EXOC4: variants seen among roughly 807,000 people sequenced by gnomAD.
EXOC4 encodes SEC8-like 1.
Under a neutral mutation model 107.2 loss-of-function variants are expected in EXOC4, and 71 were observed. That is an observed-to-expected ratio of 0.66 (90% CI 0.55 to 0.81). EXOC4 has a LOEUF of 0.81. Among genes scored for constraint, EXOC4 ranks in the 30% least tolerant of loss-of-function variants. The pLI, the probability that EXOC4 is intolerant of heterozygous loss-of-function variation, is 0.00. For missense variants in EXOC4, 1,108 were observed against 1,189.6 expected (o/e 0.93, Z 1.01); for synonymous variants, 456 against 441.2 (o/e 1.03, Z -0.42).
intron 9 of EXOC4, among the ~76,000 whole-genome samples, chr7:133,541,049 A>G (rs1206864894): frequency 6.6e-6 from 1 of 152,150 alleles, no homozygotes; most frequent in Non-Finnish European, 1.5e-5. Flanking sequence ...CTGAATATTT[A>G]TGTCTACATG....
chr7:133,307,467 C>T (rs1584797001), intron 4 of EXOC4, among the ~76,000 whole-genome samples: 1 of 152,070 alleles, frequency 6.6e-6, no homozygotes, highest in Admixed American at 6.6e-5. Context: ...CACTATGGTC[C>T]TGTGAAAATA....
chr7:133,774,637 A>G (rs888357700), intron 10 of EXOC4, among the ~76,000 whole-genome samples: 4 of 152,110 alleles, frequency 2.6e-5, no homozygotes, highest in African/African-American at 9.7e-5. Context: ...TAAACAATCT[A>G]CTTTTTTCAA....
At chr7:133,881,361 G>A (rs1196994400) in intron 11 of EXOC4, among the ~76,000 whole-genome samples, 2 of 144,184 alleles carry the variant, frequency 1.4e-5, no homozygotes, top group Non-Finnish European at 3.0e-5. Context: ...TCATAATGCT[G>A]CATCTACTTG....
intron 14 of EXOC4, among the ~76,000 whole-genome samples, chr7:133,981,903 C>T (rs747332148): frequency 6.6e-6 from 1 of 152,190 alleles, no homozygotes; most frequent in Admixed American, 6.5e-5. Context: ...TCCATATATA[C>T]CATGGTAGAC....
intron 14 of EXOC4, among the ~76,000 whole-genome samples, chr7:133,969,885 C>G (rs981434282): frequency 2.0e-5 from 3 of 152,218 alleles, no homozygotes; most frequent in Non-Finnish European, 2.9e-5. Flanking sequence ...AGATCTGCTG[C>G]TCTCTTCAGA....
At position 133,865,780 on chromosome 7, in the gene EXOC4, CACTA is replaced by C. The variant is rs549725724; in HGVS notation, c.1735-29814_1735-29811del. The stretch of plus-strand genomic sequence containing the variant: ...TAAACAACCAGATCTTGTGAGAACT[CACTA>C]ACTATCACGAGAACATCAAGGGGGA... On this transcript the variant is annotated intron_variant, in intron 11 of 17. Transcript: ENST00000253861. Among the ~76,000 whole-genome samples the C allele has an allele frequency of 8.2e-4, 125 of 152,246 alleles. 1 individual carries two copies. Among genetic ancestry groups the C allele is most frequent in the South Asian group, 3.1e-3 (15 of 4,820 alleles).
intron 7 of EXOC4, among the ~76,000 whole-genome samples, chr7:133,437,642 T>C (rs1185017553): frequency 6.6e-6 from 1 of 152,170 alleles, no homozygotes; most frequent in Non-Finnish European, 1.5e-5. Flanking sequence ...TATTTCCCCG[T>C]TTTTCTGTGA....
intron 13 of EXOC4, among the ~76,000 whole-genome samples, chr7:133,922,629 C>T (rs757253542): frequency 7.9e-5 from 12 of 152,054 alleles, no homozygotes; most frequent in Non-Finnish European, 1.3e-4. Flanking sequence ...GGGTGGATCA[C>T]GAGGTCAGGA....
At chr7:133,447,962 T>A (rs1441935869) in intron 7 of EXOC4, among the ~76,000 whole-genome samples, 1 of 152,206 alleles carries the variant, frequency 6.6e-6, no homozygotes, top group Non-Finnish European at 1.5e-5. Context: ...GAGAGAAAGA[T>A]GTACTTTTTA....
rs576834684 is a variant in EXOC4 at position 133,592,618 on chromosome 7, T to G, written c.1418-37427T>G. On this transcript the variant is annotated intron_variant, in intron 9 of 17. Coordinates refer to ENST00000253861, the MANE Select transcript of EXOC4 (RefSeq NM_021807.4). ...CCACCATACCCGGCTATTTTTTTGT[T>G]TTTGACGTGGAGTCTCACTCTGTCG... Among the ~76,000 whole-genome samples, 268 of 152,102 alleles carry G rather than the reference T, an allele frequency of 1.8e-3. 1 individual carries two copies. Among genetic ancestry groups the G allele is most frequent in the African/African-American group, 6.0e-3 (250 of 41,486 alleles).
At chr7:133,787,989 A>ATT (rs1796622883) in intron 10 of EXOC4, among the ~76,000 whole-genome samples, 1 of 93,928 alleles carries the variant, frequency 1.1e-5, no homozygotes, top group Non-Finnish European at 2.2e-5. Flanking sequence ...ATATATATAT[A>ATT]TATATATATA....
At chr7:133,864,843 A>T (rs1798603893) in intron 11 of EXOC4, among the ~76,000 whole-genome samples, 2 of 152,210 alleles carry the variant, frequency 1.3e-5, no homozygotes, top group Admixed American at 1.3e-4. Context: ...CTGAGGGCTG[A>T]AACTCCAGGC....
chr7:133,603,044 T>G (rs979791578), intron 9 of EXOC4, among the ~76,000 whole-genome samples: 1 of 152,220 alleles, frequency 6.6e-6, no homozygotes. Flanking sequence ...TGAAAAAATA[T>G]GCAGGATTTT....
intron 9 of EXOC4, among the ~76,000 whole-genome samples, chr7:133,608,873 A>G (rs1412123236): frequency 1.3e-5 from 2 of 152,014 alleles, no homozygotes; most frequent in African/African-American, 2.4e-5. Flanking sequence ...TGGTAGTTTT[A>G]TTTACTTATT....
intron 10 of EXOC4, among the ~76,000 whole-genome samples, chr7:133,778,772 A>G (rs574984308): frequency 5.9e-5 from 9 of 152,306 alleles, no homozygotes; most frequent in Admixed American, 2.0e-4. Context: ...CGAATCCCTT[A>G]TTAGTCTATA....
At chr7:133,942,906 ACT>A (rs1336843885) in intron 14 of EXOC4, among the ~76,000 whole-genome samples, 1 of 151,718 alleles carries the variant, frequency 6.6e-6, no homozygotes, top group East Asian at 1.9e-4. Context: ...GTAATTTGCC[ACT>A]CTCTATTTTT....
chr7:133,417,078 C>T (rs1415382296), intron 7 of EXOC4, among the ~76,000 whole-genome samples: 1 of 152,104 alleles, frequency 6.6e-6, no homozygotes, highest in East Asian at 1.9e-4. Flanking sequence ...ACCTTGGAAG[C>T]TGGGAATGAA....
intron 17 of EXOC4, among the ~76,000 whole-genome samples, chr7:134,016,984 T>G (rs1458914509): frequency 6.6e-6 from 1 of 152,218 alleles, no homozygotes; most frequent in Non-Finnish European, 1.5e-5. Context: ...AAAGGTGACT[T>G]GGCTTGAAAA....
At chr7:133,725,447 C>A (rs1412147368) in intron 10 of EXOC4, among the ~76,000 whole-genome samples, 1 of 152,202 alleles carries the variant, frequency 6.6e-6, no homozygotes, top group Non-Finnish European at 1.5e-5. Flanking sequence ...GCGATCTCAG[C>A]TCACTGAAAC....
Sources: allele counts gnomAD v4.1 joint callset (sites outside exome capture counted in the v4.1 genomes callset), GRCh38; gene constraint gnomAD v4.1.1; transcripts MANE v1.5; gene names NCBI Gene and HGNC (gene_info 2026-07-23, HGNC 2026-07-21).